The following NRXN2 variants were observed in gnomAD, a reference collection of about 807,000 sequenced individuals.
NRXN2 encodes the protein neurexin-2-beta.
In NRXN2, 29 loss-of-function variants were observed where a neutral mutation model predicts 128.8. The observed-to-expected ratio is 0.23, with a 90% CI of 0.17 to 0.31. NRXN2 has a LOEUF of 0.31. NRXN2 is among the 10% of genes least tolerant of loss of function. The probability of loss-of-function intolerance (pLI) is 1.00; values close to 1 mark genes in which losing one functional copy is unlikely to be tolerated. For synonymous variants in NRXN2, 1,098 were observed against 1,075.2 expected (o/e 1.02, Z -0.41); for missense variants, 1,881 against 2,452.6 (o/e 0.77, Z 4.92).
chr11:64,648,940 G>A lies in NRXN2; in HGVS notation c.3110-33C>T. ...GGGAGTGGGTCAACCAAGGCATCCA[G>A]GTCCCCATTCCCATCCCAAGACAAT... On this transcript the variant is annotated intron_variant, in intron 15 of 22. Transcript: ENST00000265459. The surrounding 1 kb of genome is among the most constrained non-coding windows in gnomAD (Gnocchi z 4.1). The A allele has an allele frequency of 1.2e-6, 2 of 1,612,124 alleles. No homozygotes were observed. Among genetic ancestry groups the A allele is most frequent in the Middle Eastern group, 1.7e-4 (1 of 6,058 alleles).
intron 22 of NRXN2, among the ~76,000 whole-genome samples, chr11:64,614,962 AAG>A (rs965822146): frequency 7.9e-5 from 12 of 152,188 alleles, no homozygotes; most frequent in African/African-American, 2.7e-4. Flanking sequence ...GGAGGTGAGA[AAG>A]AGTGAAACGG....
At chr11:64,625,180 C>T (rs532905876) in intron 20 of NRXN2, among the ~76,000 whole-genome samples, 4 of 152,360 alleles carry the variant, frequency 2.6e-5, no homozygotes, top group East Asian at 1.9e-4. Flanking sequence ...CCCCCACCCC[C>T]CAACAGGGCC....
chr11:64,610,950 AG>A (rs1321240406), intron 22 of NRXN2, among the ~76,000 whole-genome samples: 1 of 152,058 alleles, frequency 6.6e-6, no homozygotes, highest in African/African-American at 2.4e-5. Context: ...CTGACATCTC[AG>A]AGTCTGGCCA....
rs1475360769 is a variant in NRXN2 at position 64,651,695 on chromosome 11, G to A, written c.2537-59C>T. On this transcript the variant is annotated intron_variant, in intron 13 of 22. Transcript: ENST00000265459. This position sits in a 1 kb window ranked among gnomAD's most constrained non-coding sequence, Gnocchi z 5.9. ...GGCTTTGGGGCAGGGCTGGGGCTTG[G>A]GTTCCCAGGAGCCTCCCCTCCACAG... is the stretch of plus-strand genomic sequence containing the variant. The A allele has an allele frequency of 1.3e-6, 2 of 1,595,604 alleles. No individual in the cohort carries two copies. The highest frequency in any genetic ancestry group is 1.7e-6 in the Non-Finnish European group (2 of 1,169,896).
rs1331369223 is a variant in NRXN2, at chr11:64,615,838, G to A, written c.4252+4456C>T. On this transcript the variant is annotated intron_variant, in intron 22 of 22. Coordinates refer to ENST00000265459, the MANE Select transcript of NRXN2 (RefSeq NM_015080.4). Reference sequence around the variant, plus strand: ...CTAATGTAGGCCCAAGCGTGTGTGTGTGTGTGTGTGTGTGTGTGTGTGTGT... The same window carrying A: ...CTAATGTAGGCCCAAGCGTGTGTGTATGTGTGTGTGTGTGTGTGTGTGTGT... Among the ~76,000 whole-genome samples the A allele has an allele frequency of 3.9e-4, 40 of 103,418 alleles. 2 individuals are homozygous for A. The highest frequency in any genetic ancestry group is 1.4e-3 in the African/African-American group (40 of 28,184). 67.8% of individuals were successfully genotyped at this position (103,418 alleles called of 152,430 possible). A position where few individuals can be genotyped will look rare whatever the true frequency, so the allele number is the denominator to read the frequency against.
rs775719639 is a variant in NRXN2 at position 64,651,608 on chromosome 11, C to T, written c.2565G>A (p.Leu855=). Residue 855 remains leucine (L), a synonymous_variant, in exon 14 of 23, where the codon CTG becomes CTA. Transcript: ENST00000265459. This position sits in a 1 kb window ranked among gnomAD's most constrained non-coding sequence, Gnocchi z 5.9. The part of the protein sequence containing the change: ...EGQMAGAHMR[L]EFHNIETGIM... The stretch of plus-strand genomic sequence containing the variant: ...TGCCCGTCTCAATGTTGTGGAACTC[C>T]AGCCGCATATGGGCTCCTGCCATCT... 1 of 1,614,086 alleles carries T rather than the reference C, an allele frequency of 6.2e-7. No individual in the cohort carries two copies. Among genetic ancestry groups the T allele is most frequent in the South Asian group, 1.1e-5 (1 of 91,070 alleles).
intron 22 of NRXN2, among the ~76,000 whole-genome samples, chr11:64,614,457 A>G (rs1007825498): frequency 5.3e-5 from 8 of 152,296 alleles, no homozygotes; most frequent in Non-Finnish European, 5.9e-5. Context: ...CCCAAGGAGG[A>G]CATTGTTCCC....
chr11:64,676,738 T>A, intron 7 of NRXN2: 1 of 573,684 alleles, frequency 1.7e-6, no homozygotes, highest in South Asian at 2.2e-5. Context: ...GAGTTAGGGA[T>A]TACAGCAGGG....
At chr11:64,653,782 T>C in intron 11 of NRXN2, 60 bp from the exon 12 acceptor site, 2 of 1,328,678 alleles carry the variant, frequency 1.5e-6, no homozygotes, top group East Asian at 2.4e-5. Context: ...AACAAGTTTT[T>C]TTTTTTTTTA....
At chr11:64,620,395 G>A in intron 21 of NRXN2, 23 bp from the exon 22 acceptor site, 1 of 1,539,968 alleles carries the variant, frequency 6.5e-7, no homozygotes, top group South Asian at 1.2e-5. Context: ...AGAAGGGGTG[G>A]GGAAAGAGAG....
At position 64,714,222 on chromosome 11, in the gene NRXN2, C is replaced by T. The variant is rs1402633427; in HGVS notation, c.-244-279G>A. On this transcript the variant is annotated intron_variant, in intron 1 of 22. Coordinates refer to ENST00000265459, the MANE Select transcript of NRXN2 (RefSeq NM_015080.4). This position sits in a 1 kb window ranked among gnomAD's most constrained non-coding sequence, Gnocchi z 4.5. ...AGCCCGGCAGGAGCCCAACCTCAGC[C>T]CGCTCCCTCACCCTCTCAAAGGACC... Among the ~76,000 whole-genome samples, 1 of 151,450 alleles carries T rather than the reference C, an allele frequency of 6.6e-6. No homozygotes were observed. Among genetic ancestry groups the T allele is most frequent in the African/African-American group, 2.4e-5 (1 of 41,230 alleles).
chr11:64,633,782 CTG>C (rs2044286152), intron 18 of NRXN2, among the ~76,000 whole-genome samples: 2 of 152,188 alleles, frequency 1.3e-5, no homozygotes, highest in Non-Finnish European at 1.5e-5. Context: ...TACAGCCACA[CTG>C]TCTTTCGCTT....
At chr11:64,666,945 T>C (rs1314766220) in intron 9 of NRXN2, among the ~76,000 whole-genome samples, 5 of 152,152 alleles carry the variant, frequency 3.3e-5, no homozygotes, top group East Asian at 3.8e-4. Context: ...TGCTCTTATT[T>C]TCTCCTCTCG....
intron 1 of NRXN2, among the ~76,000 whole-genome samples, chr11:64,718,306 C>T (rs561237201): frequency 1.3e-5 from 2 of 152,304 alleles, no homozygotes; most frequent in East Asian, 3.9e-4. Context: ...AACACACGCC[C>T]ATACACACAC....
Position 64,713,435 on chromosome 11 carries a change from G to A in NRXN2, c.265C>T (p.Leu89=). The A allele has an allele frequency of 6.6e-7, 1 of 1,512,498 alleles. No homozygotes were observed. Among genetic ancestry groups the A allele is most frequent in the Non-Finnish European group, 8.8e-7 (1 of 1,138,064 alleles). The allele number at this position is 1,512,498 out of a possible 1,614,324, so 93.7% of individuals were successfully genotyped here. Residue 89 remains leucine, a synonymous_variant, in exon 2 of 23, where the codon CTG becomes TTG. Coordinates refer to ENST00000265459, the MANE Select transcript of NRXN2 (RefSeq NM_015080.4). Reference sequence around the variant, plus strand: ...TCGGCGCACGAAAGCGTGAAGCGCAGCCGCAGGCGGCCGTCCACCAGCAGC... The same window carrying A: ...TCGGCGCACGAAAGCGTGAAGCGCAACCGCAGGCGGCCGTCCACCAGCAGC... ...ELLLVDGRLR[L]RFTLSCAEPA...
chr11:64,626,994 T>C (rs1230928622), intron 19 of NRXN2, among the ~76,000 whole-genome samples: 2 of 152,054 alleles, frequency 1.3e-5, no homozygotes, highest in Non-Finnish European at 2.9e-5. Flanking sequence ...TAGAGGGCGG[T>C]TTAGAAGTGG....
chr11:64,643,949 C>T lies in NRXN2; in HGVS notation c.3403+4270G>A, dbSNP rs369412874. On this transcript the variant is annotated intron_variant, in intron 17 of 22. Coordinates refer to ENST00000265459, the MANE Select transcript of NRXN2 (RefSeq NM_015080.4). Reference sequence around the variant, plus strand: ...GATGCCGCGGCGGCCACCTCTGCACCACCCCTCGCAACGCACGTGCACACT... The same window carrying T: ...GATGCCGCGGCGGCCACCTCTGCACTACCCCTCGCAACGCACGTGCACACT... Among the ~76,000 whole-genome samples, 6 of 151,546 alleles carry T rather than the reference C, an allele frequency of 4.0e-5. No homozygotes were observed. In the East Asian group the frequency reaches 5.9e-4, roughly 15 times the overall value.
rs570147604 is a variant in NRXN2, at chr11:64,666,529, A to C, written c.1798+721T>G. 4.0e-5 allele frequency among the ~76,000 whole-genome samples: 6 copies of C among 150,898 alleles called. No individual in the cohort carries two copies. In the East Asian group the frequency reaches 1.2e-3, roughly 30 times the overall value. ...GTGAGTTAATTTTTTTTTAAGTTGA[A>C]TGGCTCTAGACAGAAGGGAGGCATG... On this transcript the variant is annotated intron_variant, in intron 9 of 22. Transcript: ENST00000265459.
At chr11:64,653,834 C>G in intron 11 of NRXN2, 112 bp from the exon 12 acceptor site, 1 of 792,812 alleles carries the variant, frequency 1.3e-6, no homozygotes, top group South Asian at 1.7e-5. Context: ...GGGTTCCCCC[C>G]AGGGCCACTT....
Sources: gnomAD v4.1 joint callset for allele counts (sites outside exome capture counted in the v4.1 genomes callset) on GRCh38, gnomAD v4.1.1 for gene constraint, Gnocchi (gnomAD v3.1) non-coding constraint, MANE v1.5 for transcripts, NCBI Gene and HGNC (gene_info 2026-07-23, HGNC 2026-07-21) for gene names.